Variants in SCN2B observed in about 807,000 individuals in gnomAD.
SCN2B encodes sodium channel regulatory subunit beta-2.
A neutral mutation model predicts 18.2 loss-of-function variants in SCN2B; 14 were observed. The observed-to-expected ratio is 0.77, with a 90% CI of 0.51 to 1.21. SCN2B has a LOEUF of 1.21. SCN2B is among the 50% of genes most tolerant of loss of function. The probability of loss-of-function intolerance (pLI) is 0.00; values close to 1 mark genes in which losing one functional copy is unlikely to be tolerated. For synonymous variants in SCN2B, 115 were observed against 115.3 expected (o/e 1.00, Z 0.02); for missense variants, 262 against 286.9 (o/e 0.91, Z 0.63).
rs1297199639 is a variant in SCN2B at position 118,163,201 on chromosome 11, C to T, written c.*3686G>A. ...AGAGAGACTATGTACAGTGCATCAGCAAGCTTCAATAAAGGAAGACGCCAG... is the reference window on the plus strand; with the variant it reads ...AGAGAGACTATGTACAGTGCATCAGTAAGCTTCAATAAAGGAAGACGCCAG... On this transcript the variant is annotated 3_prime_UTR_variant, in exon 4 of 4. Coordinates refer to ENST00000278947, the MANE Select transcript of SCN2B (RefSeq NM_004588.5). 1 of 152,526 alleles carries T rather than the reference C, an allele frequency of 6.6e-6. No homozygotes were observed. Among genetic ancestry groups the T allele is most frequent in the Non-Finnish European group, 1.5e-5 (1 of 68,046 alleles). The allele number at this position is 152,526 out of a possible 1,614,324, so 9.4% of individuals were successfully genotyped here. A position where few individuals can be genotyped will look rare whatever the true frequency, so the allele number is the denominator to read the frequency against.
chr11:118,174,091 C>CTTTTTTTTTTCTTTTTTTTTTTTTTTTTT (rs1948449565), intron 1 of SCN2B, among the ~76,000 whole-genome samples: 1 of 66,624 alleles, frequency 1.5e-5, no homozygotes, highest in African/African-American at 6.4e-5. Flanking sequence ...TTTTTCTTTT[C>CTTTTTTTTTTCTTTTTTTTTTTTTTTTTT]TTTTTTTTTT....
At position 118,166,984 on chromosome 11, in the gene SCN2B, C is replaced by T. The variant is rs752378798; in HGVS notation, c.551G>A (p.Arg184Lys). ...ILVLMVVKCV[R>K]RKKEQKLSTD... ...GCTCAGCTTCTGCTCTTTTTTTCTC[C>T]TCACACACTTGACCACCATCAGCAC... The change falls in exon 4 of 4, where the codon AGG becomes AAG. Residue 184 changes from arginine (R) to lysine (K), a missense_variant. Arg to Lys is a conservative substitution (Grantham distance 26, BLOSUM62 2). Coordinates refer to ENST00000278947, the MANE Select transcript of SCN2B (RefSeq NM_004588.5). 6.2e-7 allele frequency: 1 copy of T among 1,613,950 alleles called. No homozygotes were observed. The highest frequency in any genetic ancestry group is 1.3e-5 in the African/African-American group (1 of 74,912).
At chr11:118,167,263 C>T (rs1408993383) in intron 3 of SCN2B, among the ~76,000 whole-genome samples, 177 bp from the exon 4 acceptor site, 1 of 152,212 alleles carries the variant, frequency 6.6e-6, no homozygotes, top group African/African-American at 2.4e-5. Flanking sequence ...CCTCCAAATC[C>T]CAGGACACCC....
Position 118,168,478 on chromosome 11 carries a change from G to A in SCN2B, c.237+107C>T. On this transcript the variant is annotated intron_variant, in intron 2 of 3. Coordinates refer to ENST00000278947, the MANE Select transcript of SCN2B (RefSeq NM_004588.5). This position sits in a 1 kb window ranked among gnomAD's most constrained non-coding sequence, Gnocchi z 4.7. ...CTCCAGAGCACGCAGCCCACCCAGGGTCCTCTGGGGCCCTAGCGCAGTGCC... is the reference window on the plus strand; with the variant it reads ...CTCCAGAGCACGCAGCCCACCCAGGATCCTCTGGGGCCCTAGCGCAGTGCC... 1 of 1,487,148 alleles carries A rather than the reference G, an allele frequency of 6.7e-7. No individual in the cohort carries two copies. The highest frequency in any genetic ancestry group is 9.4e-7 in the Non-Finnish European group (1 of 1,066,392). The allele number at this position is 1,487,148 out of a possible 1,614,324, so 92.1% of individuals were successfully genotyped here.
Position 118,176,618 on chromosome 11 carries a change from A to C in SCN2B, c.-187T>G. 2.8e-6 allele frequency: 1 copy of C among 363,206 alleles called. No homozygotes were observed. The highest frequency in any genetic ancestry group is 5.3e-6 in the Non-Finnish European group (1 of 187,004). 22.5% of individuals were successfully genotyped at this position (363,206 alleles called of 1,614,324 possible). On this transcript the variant is annotated 5_prime_UTR_variant, in exon 1 of 4. Coordinates refer to ENST00000278947, the MANE Select transcript of SCN2B (RefSeq NM_004588.5). ...GGCCGGCTTGTATGTTGCTGCTAAA[A>C]AGAGAGAGAGAGGGAGTGTGTAAAG...
chr11:118,174,593 A>T (rs1948455203), intron 1 of SCN2B, among the ~76,000 whole-genome samples: 1 of 152,052 alleles, frequency 6.6e-6, no homozygotes, highest in Non-Finnish European at 1.5e-5. Context: ...TTACAGCACC[A>T]ATCAAGTTCA....
Position 118,168,640 on chromosome 11 carries a change from T to TTG in SCN2B, c.180_181dup (p.Lys61ThrfsTer6). The stretch of plus-strand genomic sequence containing the variant: ...GTAAGTCCAGTTCAGGGAGAACTGT[T>TTG]TGTGGTTCACTGTGTAGCAGGAGTT... On this transcript the variant is annotated frameshift_variant, in exon 2 of 4. Coordinates refer to ENST00000278947, the MANE Select transcript of SCN2B (RefSeq NM_004588.5). LOFTEE classifies it high-confidence loss of function. This position sits in a 1 kb window ranked among gnomAD's most constrained non-coding sequence, Gnocchi z 4.7. The TTG allele has an allele frequency of 6.2e-7, 1 of 1,614,246 alleles. No homozygotes were observed. Among genetic ancestry groups the TTG allele is most frequent in the Non-Finnish European group, 8.5e-7 (1 of 1,180,042 alleles).
chr11:118,175,970 G>T (rs180704925), intron 1 of SCN2B, among the ~76,000 whole-genome samples: 2 of 152,286 alleles, frequency 1.3e-5, no homozygotes, highest in African/African-American at 4.8e-5. Context: ...TCAAGCTTCT[G>T]AAAAGAAGCC....
At chr11:118,172,124 G>A (rs1361218858) in intron 1 of SCN2B, among the ~76,000 whole-genome samples, 2 of 152,222 alleles carry the variant, frequency 1.3e-5, no homozygotes, top group African/African-American at 2.4e-5. Flanking sequence ...TCAGAGCTGT[G>A]AGCAAAACTC....
intron 1 of SCN2B, among the ~76,000 whole-genome samples, chr11:118,173,111 C>T (rs1292365379): frequency 6.6e-6 from 1 of 152,204 alleles, no homozygotes; most frequent in East Asian, 1.9e-4. Context: ...TCCAGACCTC[C>T]AACGGCTACC....
intron 3 of SCN2B, 47 bp from the exon 4 acceptor site, chr11:118,167,133 C>A: frequency 6.3e-7 from 1 of 1,579,184 alleles, no homozygotes; most frequent in Middle Eastern, 1.7e-4. Flanking sequence ...GGAAAGGGGC[C>A]TCCCCCATCA....
At chr11:118,174,723 C>T (rs1471818389) in intron 1 of SCN2B, among the ~76,000 whole-genome samples, 1 of 152,220 alleles carries the variant, frequency 6.6e-6, no homozygotes, top group Non-Finnish European at 1.5e-5. Flanking sequence ...CTCCCTCTTC[C>T]TCACCCTAGC....
At position 118,166,768 on chromosome 11, in the gene SCN2B, C is replaced by A; in HGVS notation, c.*119G>T. On this transcript the variant is annotated 3_prime_UTR_variant, in exon 4 of 4. Transcript: ENST00000278947. ...ACGAAGTCGGGGGTTCAGGAGGCCC[C>A]AGGTGGGCCCTGGGGTCCTAGGTCA... The A allele has an allele frequency of 1.6e-6, 2 of 1,222,408 alleles. No individual in the cohort carries two copies. Among genetic ancestry groups the A allele is most frequent in the Non-Finnish European group, 2.4e-6 (2 of 843,416 alleles). 75.7% of individuals were successfully genotyped at this position (1,222,408 alleles called of 1,614,324 possible).
chr11:118,174,131 G>A (rs1221681567), intron 1 of SCN2B, among the ~76,000 whole-genome samples: 2 of 112,910 alleles, frequency 1.8e-5, no homozygotes, highest in Non-Finnish European at 3.4e-5. Flanking sequence ...GTAGAGACAG[G>A]GTCTTGCTAT....
Position 118,164,667 on chromosome 11 carries a change from AGCAGTG to A in SCN2B, c.*2214_*2219del, listed in dbSNP as rs1948362612. ...CATCTTCCCCAACTGTAGCCTTGGA[AGCAGTG>A]TCTTGCAGAGGTGGAATTAGATGCA... On this transcript the variant is annotated 3_prime_UTR_variant, in exon 4 of 4. Coordinates refer to ENST00000278947, the MANE Select transcript of SCN2B (RefSeq NM_004588.5). 6.5e-6 allele frequency: 1 copy of A among 152,730 alleles called. No individual in the cohort carries two copies. The highest frequency in any genetic ancestry group is 2.4e-5 in the African/African-American group (1 of 41,442). 9.5% of individuals were successfully genotyped at this position (152,730 alleles called of 1,614,324 possible).
intron 1 of SCN2B, among the ~76,000 whole-genome samples, chr11:118,173,471 A>G (rs1948444917): frequency 6.6e-6 from 1 of 152,100 alleles, no homozygotes. Context: ...ACATGACTTG[A>G]GGGCAGAATG....
At chr11:118,173,841 T>G (rs1400907560) in intron 1 of SCN2B, among the ~76,000 whole-genome samples, 1 of 152,176 alleles carries the variant, frequency 6.6e-6, no homozygotes, top group Non-Finnish European at 1.5e-5. Flanking sequence ...TTTCTCTCCA[T>G]GTCTGGGTCC....
In SCN2B at chr11:118,166,269, A is replaced by C. The variant is rs1329128969; in HGVS notation, c.*618T>G. On this transcript the variant is annotated 3_prime_UTR_variant, in exon 4 of 4. Coordinates refer to ENST00000278947, the MANE Select transcript of SCN2B (RefSeq NM_004588.5). ...CACTAGCAATGGAAACGAGGGCCCAACATGGCCTCCTGGGCCAGGGCACAT... is the reference window on the plus strand; with the variant it reads ...CACTAGCAATGGAAACGAGGGCCCACCATGGCCTCCTGGGCCAGGGCACAT... 1 of 161,300 alleles carries C rather than the reference A, an allele frequency of 6.2e-6. No individual in the cohort carries two copies. The highest frequency in any genetic ancestry group is 1.4e-5 in the Non-Finnish European group (1 of 73,270). The allele number at this position is 161,300 out of a possible 1,614,324, so 10.0% of individuals were successfully genotyped here.
chr11:118,170,199 T>C (rs1948419472), intron 1 of SCN2B, among the ~76,000 whole-genome samples: 1 of 152,012 alleles, frequency 6.6e-6, no homozygotes, highest in Admixed American at 6.5e-5. Flanking sequence ...AGGATAGACA[T>C]CAACAAGGAA....
Sources: gnomAD v4.1 joint callset for allele counts (sites outside exome capture counted in the v4.1 genomes callset) on GRCh38, gnomAD v4.1.1 for gene constraint, Gnocchi (gnomAD v3.1) non-coding constraint, MANE v1.5 for transcripts, NCBI Gene and HGNC (gene_info 2026-07-23, HGNC 2026-07-21) for gene names.